Variants in DACH1 observed in about 807,000 individuals in gnomAD.
DACH1 encodes the protein dachshund family transcription factor 1.
In DACH1, 12 loss-of-function variants were observed where a neutral mutation model predicts 54.2. That is an observed-to-expected ratio of 0.22 (90% CI 0.14 to 0.36). The LOEUF (loss-of-function observed/expected upper bound fraction) is 0.36. Among genes scored for constraint, DACH1 ranks in the 10% least tolerant of loss-of-function variants. The pLI is 1.00. For synonymous variants in DACH1, 386 were observed against 366.2 expected (o/e 1.05, Z -0.62); for missense variants, 805 against 929.8 (o/e 0.87, Z 1.75).
At position 71,768,206 on chromosome 13, in the gene DACH1, C is replaced by T. The variant is rs867102625; in HGVS notation, c.849-86296G>A. 1.1e-4 allele frequency among the ~76,000 whole-genome samples: 17 copies of T among 152,026 alleles called. No individual in the cohort carries two copies. In the Middle Eastern group the frequency reaches 0.01, roughly 91 times the overall value. On this transcript the variant is annotated intron_variant, in intron 1 of 10. Transcript: ENST00000613252. ...TCTTCACCATTAATTCTACCTTCAT[C>T]GTCACTCTCCTTGAATAAGACATGC...
At chr13:71,464,641 A>G in intron 10 of DACH1, 1 of 449,026 alleles carries the variant, frequency 2.2e-6, no homozygotes, top group South Asian at 1.6e-5. Context: ...AAGACAATTA[A>G]GGGAACCATT....
At chr13:71,574,178 C>T (rs990019755) in intron 3 of DACH1, among the ~76,000 whole-genome samples, 3 of 152,084 alleles carry the variant, frequency 2.0e-5, no homozygotes, top group Non-Finnish European at 2.9e-5. Context: ...TGCCACTCAA[C>T]TGAGGGCTTG....
chr13:71,654,080 G>C (rs757954416), intron 2 of DACH1, among the ~76,000 whole-genome samples: 3 of 152,048 alleles, frequency 2.0e-5, no homozygotes, highest in Non-Finnish European at 4.4e-5. Context: ...CAAAGGGATA[G>C]GTAACCATCT....
chr13:71,464,743 TTATC>T (rs555506603), intron 10 of DACH1: 24 of 454,052 alleles, frequency 5.3e-5, no homozygotes, highest in Non-Finnish European at 9.3e-5. Context: ...GCTAAGAACT[TTATC>T]TTTCTTGGCG....
At chr13:71,527,137 A>G (rs973961670) in intron 6 of DACH1, among the ~76,000 whole-genome samples, 15 of 151,968 alleles carry the variant, frequency 9.9e-5, no homozygotes, top group Non-Finnish European at 2.1e-4. Context: ...TATGTTTGCA[A>G]GATCAATTTA....
chr13:71,542,167 T>G (rs2138334141), intron 6 of DACH1, among the ~76,000 whole-genome samples: 1 of 152,100 alleles, frequency 6.6e-6, no homozygotes, highest in African/African-American at 2.4e-5. Flanking sequence ...GGAGAATCTC[T>G]TGAACCCAGG....
intron 1 of DACH1, among the ~76,000 whole-genome samples, chr13:71,845,689 G>T (rs1252695633): frequency 6.6e-6 from 1 of 152,172 alleles, no homozygotes; most frequent in Non-Finnish European, 1.5e-5. Context: ...AGTATGGAGA[G>T]TGAACTAGAA....
rs777897659 is a variant in DACH1, at chr13:71,866,749, C to G, written c.21G>C (p.Leu7Phe). The G allele has an allele frequency of 2.9e-6, 4 of 1,398,366 alleles. No homozygotes were observed. The highest frequency in any genetic ancestry group is 3.7e-6 in the Non-Finnish European group (4 of 1,067,500). The allele number at this position is 1,398,366 out of a possible 1,614,324, so 86.6% of individuals were successfully genotyped here. ...GGGGGACCAGCTGGGTCGGAGGGAT[C>G]AAAGCCGCCGGCACTGCCATGGTCA... MAVPAA[L>F]IPPTQLVPPQ... The change falls in exon 1 of 11, where the codon TTG becomes TTC. Residue 7 changes from leucine (L) to phenylalanine (F), a missense_variant. Around this residue, in one of 3 missense-constraint regions of DACH1, gnomAD observed 305 missense variants for 308.7 expected, o/e 0.99. Transcript: ENST00000613252.
At chr13:71,792,812 G>A (rs575475799) in intron 1 of DACH1, among the ~76,000 whole-genome samples, 4 of 152,216 alleles carry the variant, frequency 2.6e-5, no homozygotes, top group African/African-American at 9.6e-5. Context: ...ATTCAGTTGG[G>A]AGGAAATATT....
intron 1 of DACH1, among the ~76,000 whole-genome samples, chr13:71,814,005 G>A (rs1887819140): frequency 6.6e-6 from 1 of 152,018 alleles, no homozygotes; most frequent in South Asian, 2.1e-4. Flanking sequence ...ATTATTTGAG[G>A]GCAAAGGATA....
chr13:71,444,347 T>G (rs1249709383), intron 10 of DACH1, among the ~76,000 whole-genome samples: 1 of 152,168 alleles, frequency 6.6e-6, no homozygotes, highest in African/African-American at 2.4e-5. Context: ...CTTAACTCTC[T>G]TTTCAATTGT....
At chr13:71,745,510 C>T (rs1023642664) in intron 1 of DACH1, among the ~76,000 whole-genome samples, 1 of 152,170 alleles carries the variant, frequency 6.6e-6, no homozygotes, top group Non-Finnish European at 1.5e-5. Flanking sequence ...TGGCATGGCA[C>T]AGAAGGCTAG....
At chr13:71,456,490 G>A (rs532899858) in intron 10 of DACH1, among the ~76,000 whole-genome samples, 36 of 151,998 alleles carry the variant, frequency 2.4e-4, no homozygotes, top group Middle Eastern at 3.4e-3. Context: ...GTTAGATTTC[G>A]AGAAGCATTA....
intron 2 of DACH1, among the ~76,000 whole-genome samples, chr13:71,676,043 T>C (rs978020226): frequency 1.2e-4 from 18 of 152,194 alleles, no homozygotes; most frequent in African/African-American, 4.3e-4. Context: ...ATAGTAAATA[T>C]GAGATTTATT....
At chr13:71,509,079 A>T (rs1215073422) in intron 6 of DACH1, among the ~76,000 whole-genome samples, 1 of 152,104 alleles carries the variant, frequency 6.6e-6, no homozygotes, top group Non-Finnish European at 1.5e-5. Context: ...AGTATATTTA[A>T]CCTTAACAGG....
chr13:71,836,938 G>A (rs754344841), intron 1 of DACH1, among the ~76,000 whole-genome samples: 2 of 151,948 alleles, frequency 1.3e-5, no homozygotes, highest in Non-Finnish European at 2.9e-5. Flanking sequence ...AGAAATGCCT[G>A]TCATATATTA....
chr13:71,548,655 G>A (rs137869516), intron 6 of DACH1, among the ~76,000 whole-genome samples: 2 of 152,060 alleles, frequency 1.3e-5, no homozygotes, highest in East Asian at 1.9e-4. Context: ...TGGTGCTCAC[G>A]CCTGTAATCT....
At chr13:71,713,861 T>C (rs1308369779) in intron 1 of DACH1, among the ~76,000 whole-genome samples, 1 of 152,050 alleles carries the variant, frequency 6.6e-6, no homozygotes, top group African/African-American at 2.4e-5. Flanking sequence ...TAGACAAATA[T>C]AATTTCTAAT....
intron 10 of DACH1, among the ~76,000 whole-genome samples, chr13:71,453,419 G>A (rs564233763): frequency 6.6e-6 from 1 of 152,178 alleles, no homozygotes; most frequent in South Asian, 2.1e-4. Flanking sequence ...TTCATTTCAA[G>A]CCTTTATATC....
Sources: gnomAD v4.1 joint callset for allele counts (sites outside exome capture counted in the v4.1 genomes callset) on GRCh38, gnomAD v4.1.1 for gene constraint, gnomAD v4.1.1 regional missense constraint, MANE v1.5 for transcripts, NCBI Gene and HGNC (gene_info 2026-07-23, HGNC 2026-07-21) for gene names.